Variants in SLC25A21 observed in about 807,000 individuals in gnomAD.
SLC25A21 encodes mitochondrial 2-oxodicarboxylate carrier.
SLC25A21 carries 47 observed loss-of-function variants against 43.8 expected under a neutral mutation model. That is an observed-to-expected ratio of 1.07 (90% CI 0.85 to 1.37). SLC25A21 has a LOEUF of 1.37. SLC25A21 is among the 40% of genes most tolerant of loss of function. The pLI is 0.00. For synonymous variants in SLC25A21, 131 were observed against 121.3 expected (o/e 1.08, Z -0.52); for missense variants, 352 against 350.2 (o/e 1.00, Z -0.04).
At chr14:37,153,972 C>T (rs6571791) in intron 1 of SLC25A21, among the ~76,000 whole-genome samples, 30 of 152,040 alleles carry the variant, frequency 2.0e-4, no homozygotes, top group African/African-American at 7.0e-4. Context: ...TGCCATCATC[C>T]ATGCTATACT....
At chr14:37,156,107 T>C (rs1963843834) in intron 1 of SLC25A21, among the ~76,000 whole-genome samples, 1 of 146,360 alleles carries the variant, frequency 6.8e-6, no homozygotes, top group South Asian at 2.1e-4. Context: ...TGCAGTGAGC[T>C]GAGATCGCAC....
intron 1 of SLC25A21, among the ~76,000 whole-genome samples, chr14:37,095,041 T>A (rs1440620753): frequency 1.3e-5 from 2 of 152,198 alleles, no homozygotes; most frequent in Non-Finnish European, 2.9e-5. Context: ...CATTCCACAA[T>A]GGCCATGATA....
intron 6 of SLC25A21, 57 bp downstream of exon 6, chr14:36,725,513 A>G: frequency 3.3e-6 from 2 of 603,882 alleles, no homozygotes; most frequent in Non-Finnish European, 4.8e-6. Flanking sequence ...ATAAATAAAT[A>G]AATAAATAAA....
intron 1 of SLC25A21, among the ~76,000 whole-genome samples, chr14:37,107,308 G>T (rs192763332): frequency 1.3e-4 from 19 of 151,982 alleles, no homozygotes; most frequent in Admixed American, 5.2e-4. Context: ...CTCCTGAGTA[G>T]CTAGGACTAC....
chr14:36,975,348 C>A (rs1220962216), intron 1 of SLC25A21, among the ~76,000 whole-genome samples: 1 of 152,134 alleles, frequency 6.6e-6, no homozygotes, highest in African/African-American at 2.4e-5. Context: ...AATCAAATAC[C>A]TCCTGTACCC....
intron 2 of SLC25A21, among the ~76,000 whole-genome samples, chr14:36,825,512 A>G (rs1888796522): frequency 6.6e-6 from 1 of 152,210 alleles, no homozygotes; most frequent in African/African-American, 2.4e-5. Context: ...CTAATTAACA[A>G]ACATTTAATA....
intron 1 of SLC25A21, among the ~76,000 whole-genome samples, chr14:36,896,404 T>C (rs534718739): frequency 6.6e-6 from 1 of 152,340 alleles, no homozygotes; most frequent in East Asian, 1.9e-4. Context: ...TAGATCTTCC[T>C]CCATCCCTTT....
At chr14:37,019,044 C>T (rs1960926536) in intron 1 of SLC25A21, among the ~76,000 whole-genome samples, 4 of 151,936 alleles carry the variant, frequency 2.6e-5, no homozygotes, top group Admixed American at 2.6e-4. Flanking sequence ...ATTCTTGCCC[C>T]TCCAATCTAT....
intron 1 of SLC25A21, among the ~76,000 whole-genome samples, chr14:36,944,021 A>T (rs1423631481): frequency 6.6e-6 from 1 of 152,200 alleles, no homozygotes; most frequent in Non-Finnish European, 1.5e-5. Context: ...TCACTCCAAG[A>T]AAAGGATACC....
At chr14:36,751,567 C>T (rs964116960) in intron 3 of SLC25A21, among the ~76,000 whole-genome samples, 1 of 152,220 alleles carries the variant, frequency 6.6e-6, no homozygotes, top group Non-Finnish European at 1.5e-5. Flanking sequence ...AAGCCACTAA[C>T]TGTCTGGGGC....
chr14:36,716,063 C>A (rs886448980), intron 6 of SLC25A21, among the ~76,000 whole-genome samples: 1 of 151,830 alleles, frequency 6.6e-6, no homozygotes, highest in African/African-American at 2.4e-5. Flanking sequence ...TGCACTCCAG[C>A]CTGGGAGACA....
chr14:36,878,465 G>A (rs546678598), intron 1 of SLC25A21, among the ~76,000 whole-genome samples: 1 of 152,312 alleles, frequency 6.6e-6, no homozygotes, highest in Middle Eastern at 3.4e-3. Flanking sequence ...TTCACTCAGA[G>A]TGGGAATGGA....
chr14:37,052,656 C>G (rs1053162350), intron 1 of SLC25A21, among the ~76,000 whole-genome samples: 3 of 148,764 alleles, frequency 2.0e-5, no homozygotes, highest in African/African-American at 7.5e-5. Context: ...TTTTTCCCCC[C>G]GAGACAGAGT....
Position 36,678,784 on chromosome 14 carries a change from A to G in SLC25A21, c.*1874T>C. 1.9e-6 allele frequency: 2 copies of G among 1,044,444 alleles called. No homozygotes were observed. The highest frequency in any genetic ancestry group is 2.3e-6 in the Non-Finnish European group (2 of 857,580). 64.7% of individuals were successfully genotyped at this position (1,044,444 alleles called of 1,614,324 possible). A position where few individuals can be genotyped will look rare whatever the true frequency, so the allele number is the denominator to read the frequency against. On this transcript the variant is annotated 3_prime_UTR_variant, in exon 10 of 10. Transcript: ENST00000331299. ...TTGTATTTTAAAAAATCTAATATTA[A>G]TGGTATTGAAGTTTCCTTTTCTCCC...
At chr14:36,944,128 T>G (rs1424939158) in intron 1 of SLC25A21, among the ~76,000 whole-genome samples, 1 of 152,102 alleles carries the variant, frequency 6.6e-6, no homozygotes, top group Non-Finnish European at 1.5e-5. Context: ...TTGGCCTCTG[T>G]ACTGAAGAGT....
intron 3 of SLC25A21, among the ~76,000 whole-genome samples, chr14:36,754,864 G>A (rs1384282310): frequency 7.9e-5 from 12 of 152,044 alleles, no homozygotes. Flanking sequence ...CATTTTCACT[G>A]CCAGTAGCAA....
chr14:36,936,646 T>C (rs1006263985), intron 1 of SLC25A21, among the ~76,000 whole-genome samples: 2 of 152,192 alleles, frequency 1.3e-5, no homozygotes, highest in Admixed American at 6.5e-5. Flanking sequence ...TAAGGTAAGA[T>C]TGAATTTCAT....
intron 1 of SLC25A21, among the ~76,000 whole-genome samples, chr14:36,901,556 A>G (rs1337857981): frequency 6.6e-6 from 1 of 152,162 alleles, no homozygotes; most frequent in Non-Finnish European, 1.5e-5. Context: ...ACTAACACAA[A>G]TCAATTAGAA....
At chr14:36,873,240 G>A (rs957665387) in intron 2 of SLC25A21, among the ~76,000 whole-genome samples, 9 of 152,008 alleles carry the variant, frequency 5.9e-5, no homozygotes, top group African/African-American at 9.7e-5. Context: ...CCAGGGGTGC[G>A]CATACCTTAC....
Sources: gnomAD v4.1 joint callset for allele counts (sites outside exome capture counted in the v4.1 genomes callset) on GRCh38, gnomAD v4.1.1 for gene constraint, MANE v1.5 for transcripts, NCBI Gene and HGNC (gene_info 2026-07-23, HGNC 2026-07-21) for gene names.